NEBL: variants seen among roughly 807,000 people sequenced by gnomAD.
NEBL encodes the protein LIM and SH3 protein 2.
A neutral mutation model predicts 140.2 loss-of-function variants in NEBL; 122 were observed. The ratio of observed to expected loss-of-function variants is 0.87; its 90% confidence interval spans 0.75 to 1.01. NEBL has a LOEUF of 1.01. Among genes scored for constraint, NEBL ranks in the 50% least tolerant of loss-of-function variants. NEBL has a pLI of 0.00. For missense variants in NEBL, 1,365 were observed against 1,231.3 expected, an observed-to-expected ratio of 1.11 and a Z score of -1.62; for synonymous variants, 436 against 398.9, an observed-to-expected ratio of 1.09 and a Z score of -1.11.
intron 2 of NEBL, chr10:21,069,847 A>T (rs1835734772): frequency 2.6e-6 from 1 of 377,668 alleles, no homozygotes; most frequent in Non-Finnish European, 5.3e-6. Flanking sequence ...ATTAATCACA[A>T]CATTGTCTTT....
At chr10:20,935,827 C>A (rs997076192) in intron 4 of NEBL, among the ~76,000 whole-genome samples, 9 of 151,964 alleles carry the variant, frequency 5.9e-5, no homozygotes, top group Non-Finnish European at 1.2e-4. Context: ...ATTTTTTTCA[C>A]CTTCAATACA....
At chr10:21,159,781 T>C (rs1840479357) in intron 2 of NEBL, among the ~76,000 whole-genome samples, 2 of 152,162 alleles carry the variant, frequency 1.3e-5, no homozygotes, top group South Asian at 2.1e-4. Context: ...GTTTCTCTTT[T>C]AGCATACCAA....
chr10:21,204,132 G>C (rs1173375451), intron 3 of NEBL, among the ~76,000 whole-genome samples: 2 of 152,174 alleles, frequency 1.3e-5, no homozygotes, highest in African/African-American at 4.8e-5. Context: ...CAATGAACAG[G>C]TTACCCCTGT....
intron 2 of NEBL, among the ~76,000 whole-genome samples, chr10:21,083,881 G>A (rs1388994197): frequency 2.0e-5 from 3 of 152,118 alleles, no homozygotes; most frequent in Non-Finnish European, 4.4e-5. Context: ...ACTCTTACAG[G>A]TCTGCCTATG....
chr10:21,143,827 A>G (rs1450205271), intron 2 of NEBL, among the ~76,000 whole-genome samples: 1 of 152,126 alleles, frequency 6.6e-6, no homozygotes, highest in East Asian at 1.9e-4. Context: ...TAGCCCCATC[A>G]AAAAACATCA....
intron 4 of NEBL, among the ~76,000 whole-genome samples, chr10:20,947,681 T>TCACACACACACA (rs5783757): frequency 6.2e-5 from 9 of 144,182 alleles, no homozygotes; most frequent in African/African-American, 2.3e-4. Flanking sequence ...TACTGAGAAA[T>TCACACACACACA]CACACACACA....
chr10:20,831,022 G>A (rs901017188), intron 16 of NEBL, 174 bp downstream of exon 16: 8 of 609,772 alleles, frequency 1.3e-5, no homozygotes, highest in African/African-American at 1.1e-4. Flanking sequence ...ATCTATGACT[G>A]TTGTCCTATT....
At chr10:21,277,569 A>T (rs1842940565) in intron 1 of NEBL, among the ~76,000 whole-genome samples, 1 of 152,166 alleles carries the variant, frequency 6.6e-6, no homozygotes, top group East Asian at 1.9e-4. Context: ...TAGTGATAGG[A>T]TCAATAACAT....
At chr10:20,829,913 AG>A (rs1840245100) in intron 16 of NEBL, among the ~76,000 whole-genome samples, 2 of 152,170 alleles carry the variant, frequency 1.3e-5, no homozygotes, top group South Asian at 4.1e-4. Flanking sequence ...GGTGCTCAGG[AG>A]GTATTTACCT....
rs915399905 is a variant in NEBL, at chr10:20,929,306, T to C, written c.357+32366A>G. The stretch of plus-strand genomic sequence containing the variant: ...CTATCACTGATTAAAGGAACTTCAA[T>C]AGACTTATTCACAGCTATTAAGTAT... On this transcript the variant is annotated intron_variant, in intron 4 of 6. Transcript: ENST00000417816. Among the ~76,000 whole-genome samples the C allele has an allele frequency of 2.0e-5, 3 of 152,120 alleles. No individual in the cohort carries two copies. The East Asian group carries it at 5.8e-4, about 29-fold the overall frequency.
At chr10:20,983,177 G>A (rs921432467) in intron 3 of NEBL, among the ~76,000 whole-genome samples, 1 of 152,296 alleles carries the variant, frequency 6.6e-6, no homozygotes, top group South Asian at 2.1e-4. Context: ...CTTAGGAAGT[G>A]AGAAAATCAA....
In NEBL at chr10:20,785,383, C is replaced by T. The variant is rs1330828163; in HGVS notation, c.*364G>A. The T allele has an allele frequency of 3.4e-6, 1 of 297,552 alleles. No individual in the cohort carries two copies. Among genetic ancestry groups the T allele is most frequent in the Non-Finnish European group, 6.5e-6 (1 of 153,654 alleles). 18.4% of individuals were successfully genotyped at this position (297,552 alleles called of 1,614,324 possible). Reference sequence around the variant, plus strand: ...TTAAGAGAATTGGCTTGGGGTGATTCCAAAGTGACAGCTAAGAAGTTTCAA... The same window carrying T: ...TTAAGAGAATTGGCTTGGGGTGATTTCAAAGTGACAGCTAAGAAGTTTCAA... On this transcript the variant is annotated 3_prime_UTR_variant, in exon 28 of 28. Transcript: ENST00000377122.
intron 11 of NEBL, among the ~76,000 whole-genome samples, chr10:20,850,065 T>C (rs532034013): frequency 6.6e-6 from 1 of 152,300 alleles, no homozygotes; most frequent in African/African-American, 2.4e-5. Flanking sequence ...TATGAACTCA[T>C]CATAGTTTTA....
chr10:21,225,382 G>A (rs1842131137), intron 3 of NEBL, among the ~76,000 whole-genome samples: 1 of 152,110 alleles, frequency 6.6e-6, no homozygotes, highest in Non-Finnish European at 1.5e-5. Context: ...AGTAACCACT[G>A]CCTGACTACC....
At chr10:21,158,286 C>T (rs1187835022) in intron 2 of NEBL, among the ~76,000 whole-genome samples, 4 of 152,126 alleles carry the variant, frequency 2.6e-5, no homozygotes, top group Non-Finnish European at 5.9e-5. Context: ...TTTCTCATCC[C>T]CAAAGCTTTC....
At chr10:20,873,940 T>C (rs893345298) in intron 5 of NEBL, among the ~76,000 whole-genome samples, 8 of 152,210 alleles carry the variant, frequency 5.3e-5, no homozygotes, top group Non-Finnish European at 7.3e-5. Context: ...TTTTGTTCTA[T>C]ATGTCTGTCA....
chr10:21,284,472 A>T (rs1843032200), intron 1 of NEBL, among the ~76,000 whole-genome samples: 1 of 147,584 alleles, frequency 6.8e-6, no homozygotes, highest in African/African-American at 2.5e-5. Context: ...TTCTCTTCTT[A>T]AATCCAAACT....
intron 3 of NEBL, among the ~76,000 whole-genome samples, chr10:21,229,151 T>C (rs1470536077): frequency 6.6e-6 from 1 of 152,220 alleles, no homozygotes; most frequent in African/African-American, 2.4e-5. Flanking sequence ...CCAGGTGCAA[T>C]GGCTAACACC....
chr10:21,175,711 TA>T (rs1841283483), upstream of NEBL, among the ~76,000 whole-genome samples: 1 of 152,124 alleles, frequency 6.6e-6, no homozygotes, highest in South Asian at 2.1e-4. Context: ...CAAAAGCAAA[TA>T]AAATGAGAAT....
Sources: gnomAD v4.1 joint callset for allele counts (sites outside exome capture counted in the v4.1 genomes callset) on GRCh38, gnomAD v4.1.1 for gene constraint, MANE v1.5 for transcripts, NCBI Gene and HGNC (gene_info 2026-07-23, HGNC 2026-07-21) for gene names.